MFSD11: variants seen among roughly 807,000 people sequenced by gnomAD.
MFSD11 encodes major facilitator superfamily domain containing 11.
Under a neutral mutation model 53.5 loss-of-function variants are expected in MFSD11, and 36 were observed. That is an observed-to-expected ratio of 0.67 (90% CI 0.52 to 0.89). The LOEUF is 0.89. MFSD11 is among the 40% of genes least tolerant of loss of function. MFSD11 has a pLI of 0.00. For synonymous variants in MFSD11, 186 were observed against 184.9 expected (o/e 1.01, Z -0.05); for missense variants, 530 against 543.9 (o/e 0.97, Z 0.25).
At chr17:76,786,060 G>C (rs1435507224), downstream of MFSD11, among the ~76,000 whole-genome samples, 1 of 117,834 alleles carries the variant, frequency 8.5e-6, no homozygotes, top group Admixed American at 9.9e-5. Context: ...AGGCAACAGA[G>C]CAAGACTCCA....
At chr17:76,761,087 C>T (rs946823091) in intron 8 of MFSD11, among the ~76,000 whole-genome samples, 2 of 151,982 alleles carry the variant, frequency 1.3e-5, no homozygotes, top group African/African-American at 2.4e-5. Context: ...TGCCTGTAAT[C>T]CCAACTACTC....
downstream of MFSD11, among the ~76,000 whole-genome samples, chr17:76,780,869 G>A (rs59888100): frequency 5.3e-5 from 8 of 152,102 alleles, no homozygotes; most frequent in Non-Finnish European, 1.5e-5. Flanking sequence ...ACCTCCATTG[G>A]CTTAGTTGAT....
chr17:76,760,886 G>T (rs891985174), intron 8 of MFSD11, among the ~76,000 whole-genome samples: 1 of 151,996 alleles, frequency 6.6e-6, no homozygotes, highest in Admixed American at 6.6e-5. Flanking sequence ...TATTATGGGC[G>T]GGGGGACAGG....
At chr17:76,767,490 A>T in intron 9 of MFSD11, 39 bp downstream of exon 9, 1 of 1,315,230 alleles carries the variant, frequency 7.6e-7, no homozygotes, top group East Asian at 2.3e-5. Flanking sequence ...TTGCTGCATA[A>T]TGACAATAAG....
At chr17:76,801,740 T>C in the MFSD11 span, among the ~76,000 whole-genome samples, 1 of 152,108 alleles carries the variant, frequency 6.6e-6, no homozygotes, top group Non-Finnish European at 1.5e-5. Flanking sequence ...CCACCGTGCC[T>C]GGCCCAGAGG....
At chr17:76,736,691 C>T (rs1349733755), upstream of MFSD11, 2 of 1,290,912 alleles carry the variant, frequency 1.5e-6, no homozygotes, top group South Asian at 2.0e-5. Context: ...CGTGCACCCC[C>T]GCCCCGTCCG....
chr17:76,797,328 GA>G, the MFSD11 span, among the ~76,000 whole-genome samples: 1 of 152,106 alleles, frequency 6.6e-6, no homozygotes, highest in African/African-American at 2.4e-5. Context: ...TCTGGAAAAG[GA>G]GCGAGCAAGC....
Position 76,775,169 on chromosome 17 carries a change from C to A in MFSD11, c.1047C>A (p.Ser349=), listed in dbSNP as rs2081705492. ...KGTDSSAYIK[S]SKEVAILCSF... ...CTGACAGCAGTGCTTACATCAAATC[C>A]AGGTATAGTGGCTGTCATTTCTCTA... is the stretch of plus-strand genomic sequence containing the variant. Residue 349 remains serine (S), a splice_region_variant and synonymous_variant, in exon 11 of 13, where the codon TCC becomes TCA. Transcript: ENST00000685175. 1 of 1,613,290 alleles carries A rather than the reference C, an allele frequency of 6.2e-7. No homozygotes were observed. Among genetic ancestry groups the A allele is most frequent in the African/African-American group, 1.3e-5 (1 of 74,888 alleles).
At chr17:76,781,861 G>C (rs997717885), downstream of MFSD11, among the ~76,000 whole-genome samples, 14 of 152,078 alleles carry the variant, frequency 9.2e-5, no homozygotes, top group Admixed American at 9.2e-4. Context: ...TTGCTTTGTT[G>C]CCCAGGCTGG....
At chr17:76,752,615 A>G (rs1281628319) in intron 7 of MFSD11, among the ~76,000 whole-genome samples, 3 of 152,038 alleles carry the variant, frequency 2.0e-5, no homozygotes, top group African/African-American at 7.3e-5. Context: ...TCCTGACCTC[A>G]AGTAATCCAC....
chr17:76,777,954 A>G (rs991155101), intron 12 of MFSD11, among the ~76,000 whole-genome samples: 14 of 152,132 alleles, frequency 9.2e-5, no homozygotes, highest in Non-Finnish European at 1.8e-4. Flanking sequence ...GTTGGGTGGC[A>G]TGAACCCCCA....
the MFSD11 span, among the ~76,000 whole-genome samples, chr17:76,790,224 G>A: frequency 2.7e-5 from 4 of 147,070 alleles, 1 homozygote; most frequent in Non-Finnish European, 4.5e-5. Context: ...GAGCCACCAC[G>A]CCCAGCTAAT....
chr17:76,742,501 CT>C lies in MFSD11; in HGVS notation c.437+243del, dbSNP rs780975145. ...ACCAATACTGAATATAGCATACTAA[CT>C]TTTTTTTTTTTTTTAAATGAGACGG... On this transcript the variant is annotated intron_variant, in intron 5 of 12. Coordinates refer to ENST00000685175, the MANE Select transcript of MFSD11 (RefSeq NM_001242532.5). Among the ~76,000 whole-genome samples, 614 of 143,686 alleles carry C rather than the reference CT, an allele frequency of 4.3e-3. 1 individual carries two copies. Among genetic ancestry groups the C allele is most frequent in the Middle Eastern group, 7.1e-3 (2 of 280 alleles). 94.3% of individuals were successfully genotyped at this position (143,686 alleles called of 152,430 possible).
the MFSD11 span, among the ~76,000 whole-genome samples, chr17:76,799,823 C>T: frequency 6.6e-6 from 1 of 152,090 alleles, no homozygotes; most frequent in African/African-American, 2.4e-5. Context: ...GGGAAAAAAA[C>T]TCCAGCATGT....
rs567563793 is a variant in MFSD11 at position 76,739,414 on chromosome 17, G to C, written c.152+421G>C. On this transcript the variant is annotated intron_variant, in intron 2 of 12. Coordinates refer to ENST00000685175, the MANE Select transcript of MFSD11 (RefSeq NM_001242532.5). ...TTGTAATTCATGACGATTAATATAC[G>C]TATGTCAGGAGCTTTTAGATTTTTG... Among the ~76,000 whole-genome samples the C allele has an allele frequency of 3.9e-5, 6 of 152,278 alleles. No individual in the cohort carries two copies. In the South Asian group the frequency reaches 1.2e-3, roughly 32 times the overall value.
chr17:76,743,374 C>A, intron 5 of MFSD11, 24 bp from the exon 6 acceptor site: 2 of 1,487,208 alleles, frequency 1.3e-6, no homozygotes, highest in African/African-American at 1.4e-5. Flanking sequence ...ACCCAACATC[C>A]TATCCTCCCT....
At position 76,778,203 on chromosome 17, in the gene MFSD11, G is replaced by A. The variant is rs2082018826; in HGVS notation, c.1201G>A (p.Val401Met). The change falls in exon 13 of 13, where the codon GTG becomes ATG. Residue 401 changes from valine to methionine, a missense_variant. Transcript: ENST00000685175. ...FKFVQSICAA[V>M]AFFYSNYLLL... The stretch of plus-strand genomic sequence containing the variant: ...TTGTTCTTAGTCTATTTGCGCAGCC[G>A]TGGCATTTTTCTACAGCAACTACCT... 1 of 1,614,052 alleles carries A rather than the reference G, an allele frequency of 6.2e-7. No homozygotes were observed.
chr17:76,781,582 T>C (rs1393208502), downstream of MFSD11: 1 of 152,180 alleles, frequency 6.6e-6, no homozygotes, highest in Non-Finnish European at 1.5e-5. Context: ...CCTTGCTCTG[T>C]TTGCTCATAA....
rs766800814 is a variant in MFSD11 at position 76,738,442 on chromosome 17, T to C, written c.90T>C (p.Asn30=). ...FMFTAFQTCG[N]VAQTVIRSLN... ...TCACTGCCTTTCAAACTTGTGGAAA[T>C]GTGGCGGTGAGTTGGAATCTGTCCT... The change falls in exon 1 of 13, where the codon AAT becomes AAC. Residue 30 remains asparagine (N), a synonymous_variant. Transcript: ENST00000685175. The C allele has an allele frequency of 1.9e-6, 3 of 1,612,828 alleles. No homozygotes were observed. Among genetic ancestry groups the C allele is most frequent in the South Asian group, 2.2e-5 (2 of 91,034 alleles).
Sources: gnomAD v4.1 joint callset for allele counts (sites outside exome capture counted in the v4.1 genomes callset) on GRCh38, gnomAD v4.1.1 for gene constraint, MANE v1.5 for transcripts, NCBI Gene and HGNC (gene_info 2026-07-23, HGNC 2026-07-21) for gene names.